Variants in GNG2 observed in about 807,000 individuals in gnomAD.
GNG2 encodes the protein guanine nucleotide-binding protein G(I)/G(S)/G(O) subunit gamma-2.
A neutral mutation model predicts 5.5 loss-of-function variants in GNG2; 5 were observed. The ratio of observed to expected loss-of-function variants is 0.91; its 90% confidence interval spans 0.48 to 1.92. The LOEUF is 1.92. Ranked by LOEUF, GNG2 falls within the 30% of genes most tolerant of loss-of-function variation. The pLI is 0.01. For synonymous variants in GNG2, 28 were observed against 32.0 expected, an observed-to-expected ratio of 0.88 and a Z score of 0.42; for missense variants, 55 against 88.4, an observed-to-expected ratio of 0.62 and a Z score of 1.52.
intron 2 of GNG2, among the ~76,000 whole-genome samples, chr14:51,886,167 T>C (rs1009635312): frequency 5.3e-5 from 8 of 152,234 alleles, no homozygotes; most frequent in African/African-American, 1.4e-4. Context: ...CATGGAAATA[T>C]AATTTATAAG....
At chr14:51,847,384 C>T (rs1258387266) in intron 2 of GNG2, 11 of 152,232 alleles carry the variant, frequency 7.2e-5, no homozygotes, top group African/African-American at 2.7e-4. Flanking sequence ...AGCAGGTAAC[C>T]GACGTTGTGT....
intron 2 of GNG2, among the ~76,000 whole-genome samples, chr14:51,845,506 A>AAATG (rs1216541912): frequency 6.6e-6 from 1 of 152,116 alleles, no homozygotes; most frequent in Non-Finnish European, 1.5e-5. Flanking sequence ...ATAAATAAAT[A>AAATG]TCCATGGATC....
intron 2 of GNG2, among the ~76,000 whole-genome samples, chr14:51,916,910 G>GT (rs1886679408): frequency 6.6e-6 from 1 of 152,172 alleles, no homozygotes; most frequent in Non-Finnish European, 1.5e-5. Flanking sequence ...CATTATCTGG[G>GT]TGATCAGGTG....
chr14:51,892,257 A>G (rs979937096), intron 2 of GNG2, among the ~76,000 whole-genome samples: 1 of 151,930 alleles, frequency 6.6e-6, no homozygotes, highest in Non-Finnish European at 1.5e-5. Flanking sequence ...ATATGTAGAT[A>G]TATGTTTTCA....
At chr14:51,897,621 G>T (rs1325236858) in intron 2 of GNG2, among the ~76,000 whole-genome samples, 5 of 152,122 alleles carry the variant, frequency 3.3e-5, no homozygotes. Context: ...TGCTTTCCAG[G>T]GACATAAGCC....
chr14:51,949,120 C>CAA (rs1179223330), intron 2 of GNG2, among the ~76,000 whole-genome samples: 2 of 77,014 alleles, frequency 2.6e-5, no homozygotes, highest in African/African-American at 4.1e-5. Context: ...GACTCCGTCT[C>CAA]AAAAAAAAAA....
At chr14:51,839,644 T>A (rs1038905173) in intron 2 of GNG2, among the ~76,000 whole-genome samples, 3 of 152,124 alleles carry the variant, frequency 2.0e-5, no homozygotes, top group African/African-American at 7.2e-5. Context: ...CAAAGGAGTA[T>A]GAGAGAATTT....
intron 2 of GNG2, among the ~76,000 whole-genome samples, chr14:51,918,322 TCATGTAGA>T (rs1886780472): frequency 6.6e-6 from 1 of 152,014 alleles, no homozygotes; most frequent in Admixed American, 6.6e-5. Flanking sequence ...CTGGTTGTCC[TCATGTAGA>T]CATGAGTCCC....
intron 3 of GNG2, among the ~76,000 whole-genome samples, chr14:51,953,613 G>C (rs935061840): frequency 6.6e-6 from 1 of 152,184 alleles, no homozygotes; most frequent in Non-Finnish European, 1.5e-5. Flanking sequence ...TAGAAATACA[G>C]CAGCATCCTG....
At chr14:51,830,782 C>T (rs1299992394) in intron 2 of GNG2, among the ~76,000 whole-genome samples, 1 of 152,224 alleles carries the variant, frequency 6.6e-6, no homozygotes, top group African/African-American at 2.4e-5. Context: ...TCATTGTCCC[C>T]ATTCCAGTCA....
chr14:51,893,594 TA>T (rs1378729868), intron 2 of GNG2, among the ~76,000 whole-genome samples: 2 of 152,140 alleles, frequency 1.3e-5, no homozygotes, highest in Non-Finnish European at 2.9e-5. Context: ...TTTCTTTTTT[TA>T]AAAAGTATTT....
intron 2 of GNG2, among the ~76,000 whole-genome samples, chr14:51,950,009 G>A (rs1037787441): frequency 9.2e-5 from 14 of 151,984 alleles, no homozygotes; most frequent in East Asian, 5.8e-4. Context: ...CAGAGTGCTG[G>A]GATTACAGAT....
chr14:51,833,622 A>C (rs1208737649), intron 2 of GNG2, among the ~76,000 whole-genome samples: 3 of 152,266 alleles, frequency 2.0e-5, no homozygotes, highest in African/African-American at 7.2e-5. Context: ...AATTTTTAAC[A>C]GTGCTCAAGA....
rs559923871 is a variant in GNG2, at chr14:51,919,962, T to C, written c.-29-30688T>C. 5.9e-5 allele frequency among the ~76,000 whole-genome samples: 9 copies of C among 152,278 alleles called. No homozygotes were observed. In the East Asian group the frequency reaches 1.7e-3, roughly 29 times the overall value. ...GGAGCAGAACTAAACACATACACAA[T>C]TAGATATAAACCGTTGTCCCTCTGT... On this transcript the variant is annotated intron_variant, in intron 2 of 3. Coordinates refer to ENST00000556766, the MANE Select transcript of GNG2 (RefSeq NM_053064.5).
chr14:51,906,757 CT>C lies in GNG2; in HGVS notation c.-30+29116del, dbSNP rs34240079. On this transcript the variant is annotated intron_variant, in intron 2 of 3. Coordinates refer to ENST00000556766, the MANE Select transcript of GNG2 (RefSeq NM_053064.5). Reference sequence around the variant, plus strand: ...TTGCATGCAGCCTGCTGGAGAATCTCTTTTTTTTTTTTTTTTGAGACGGAGT... The same window carrying C: ...TTGCATGCAGCCTGCTGGAGAATCTCTTTTTTTTTTTTTTTGAGACGGAGT... Among the ~76,000 whole-genome samples, 36 of 105,294 alleles carry C rather than the reference CT, an allele frequency of 3.4e-4. 1 individual carries two copies. The highest frequency in any genetic ancestry group is 1.8e-3 in the Admixed American group (15 of 8,426). The allele number at this position is 105,294 out of a possible 152,430, so 69.1% of individuals were successfully genotyped here. A position where few individuals can be genotyped will look rare whatever the true frequency, so the allele number is the denominator to read the frequency against.
intron 2 of GNG2, among the ~76,000 whole-genome samples, chr14:51,837,810 A>T (rs996187316): frequency 6.6e-6 from 1 of 152,226 alleles, no homozygotes; most frequent in East Asian, 1.9e-4. Context: ...CATAATTTAG[A>T]TACAAAATTG....
intron 1 of GNG2, among the ~76,000 whole-genome samples, chr14:51,872,972 T>C (rs1271932277): frequency 6.6e-6 from 1 of 152,238 alleles, no homozygotes; most frequent in Non-Finnish European, 1.5e-5. Context: ...TTTCACCTGA[T>C]TATTTCATTT....
chr14:51,919,809 G>A (rs1196846670), intron 2 of GNG2, among the ~76,000 whole-genome samples: 1 of 152,194 alleles, frequency 6.6e-6, no homozygotes, highest in Non-Finnish European at 1.5e-5. Context: ...ACACTCTGTT[G>A]CTGAGGCTTT....
chr14:51,844,179 G>A (rs1881560215), intron 2 of GNG2, among the ~76,000 whole-genome samples: 1 of 152,214 alleles, frequency 6.6e-6, no homozygotes, highest in African/African-American at 2.4e-5. Context: ...GCAAATGGCT[G>A]CTACCAGCTG....
Sources: allele counts gnomAD v4.1 joint callset (sites outside exome capture counted in the v4.1 genomes callset), GRCh38; gene constraint gnomAD v4.1.1; transcripts MANE v1.5; gene names NCBI Gene and HGNC (gene_info 2026-07-23, HGNC 2026-07-21).